Variants in HPS5 observed in about 807,000 individuals in gnomAD.
HPS5 encodes the protein HPS5 biogenesis of lysosomal organelles complex 2 subunit 2, also known as BLOC-2 complex member HPS5.
In HPS5, 83 loss-of-function variants were observed where a neutral mutation model predicts 128.0. The observed-to-expected ratio is 0.65, with a 90% CI of 0.54 to 0.78. The LOEUF (loss-of-function observed/expected upper bound fraction) is 0.78, where lower values mean the gene tolerates loss of function less well. HPS5 is among the 30% of genes least tolerant of loss of function. HPS5 has a pLI of 0.00. For synonymous variants in HPS5, 475 were observed against 470.2 expected, an observed-to-expected ratio of 1.01 and a Z score of -0.13; for missense variants, 1,281 against 1,326.2, an observed-to-expected ratio of 0.97 and a Z score of 0.53.
At chr11:18,315,133 T>C (rs1863465193) in intron 2 of HPS5, among the ~76,000 whole-genome samples, 8 of 152,186 alleles carry the variant, frequency 5.3e-5, no homozygotes, top group Admixed American at 5.2e-4. Flanking sequence ...CTACATGTTA[T>C]TCAAAATGTA....
Position 18,303,681 on chromosome 11 carries a change from C to T in HPS5, c.896+1741G>A, listed in dbSNP as rs1861999870. ...CAGCCTGGGCAACATGGTGAAACCC[C>T]ATCCCTACTAAAATACAAAAAATTA... is the stretch of plus-strand genomic sequence containing the variant. On this transcript the variant is annotated intron_variant, in intron 8 of 22. Transcript: ENST00000349215. Among the ~76,000 whole-genome samples the T allele has an allele frequency of 3.9e-5, 6 of 152,064 alleles. No homozygotes were observed. In the South Asian group the frequency reaches 1.2e-3, roughly 32 times the overall value.
intron 6 of HPS5, among the ~76,000 whole-genome samples, chr11:18,308,730 C>T (rs1208352544): frequency 6.6e-6 from 1 of 151,932 alleles, no homozygotes; most frequent in East Asian, 1.9e-4. Context: ...GTAGGAGGAT[C>T]GCTTGAGCCA....
Position 18,300,922 on chromosome 11 carries a change from AGAG to A in HPS5, c.897-9_897-7del. 1.3e-6 allele frequency: 2 copies of A among 1,534,780 alleles called. No individual in the cohort carries two copies. Among genetic ancestry groups the A allele is most frequent in the East Asian group, 2.2e-5 (1 of 44,474 alleles). On this transcript the variant is annotated splice_polypyrimidine_tract_variant and splice_region_variant and intron_variant, in intron 8 of 22. Coordinates refer to ENST00000349215, the MANE Select transcript of HPS5 (RefSeq NM_181507.2). ...AAGTCAGCACACAATGCTCACTGCAAGAGAAGAAGTGAAGAGAATTCAAGTGTG... is the reference window on the plus strand; with the variant it reads ...AAGTCAGCACACAATGCTCACTGCAAAAGAAGTGAAGAGAATTCAAGTGTG...
chr11:18,283,834 C>T lies in HPS5; in HGVS notation c.3019G>A (p.Val1007Met). The change falls in exon 21 of 23, where the codon GTG (valine) becomes ATG (methionine). Residue 1007 changes from valine (V) to methionine (M), a missense_variant. Transcript: ENST00000349215. ...ATCAGGCTCATATCATTCAGATACACAATATTGGTGAAGGCCTCTCTTCTT... is the reference window on the plus strand; with the variant it reads ...ATCAGGCTCATATCATTCAGATACATAATATTGGTGAAGGCCTCTCTTCTT... ...ERRREAFTNI[V>M]YLNDMSLMEG... 9 of 1,612,886 alleles carry T rather than the reference C, an allele frequency of 5.6e-6. No homozygotes were observed. The highest frequency in any genetic ancestry group is 7.6e-6 in the Non-Finnish European group (9 of 1,179,218).
intron 6 of HPS5, among the ~76,000 whole-genome samples, chr11:18,308,581 G>A (rs1432280938): frequency 6.6e-6 from 1 of 152,178 alleles, no homozygotes; most frequent in Non-Finnish European, 1.5e-5. Flanking sequence ...TTGGGAGGCT[G>A]AGGCAGGAAG....
At chr11:18,309,142 C>T in intron 5 of HPS5, 63 bp from the exon 6 acceptor site, 2 of 1,455,142 alleles carry the variant, frequency 1.4e-6, no homozygotes, top group Non-Finnish European at 1.9e-6. Flanking sequence ...GCAATCTCTT[C>T]CTCTTTACCT....
At position 18,295,081 on chromosome 11, in the gene HPS5, C is replaced by T. The variant is rs781429199; in HGVS notation, c.1723G>A (p.Asp575Asn). 5.0e-6 allele frequency: 8 copies of T among 1,613,942 alleles called. No homozygotes were observed. Among genetic ancestry groups the T allele is most frequent in the East Asian group, 2.2e-5 (1 of 44,894 alleles). ...ACATCCTCTTCACATGATTGCTCATCACCCCTGAGCTCTGGTCTCACTTTC... is the reference window on the plus strand; with the variant it reads ...ACATCCTCTTCACATGATTGCTCATTACCCCTGAGCTCTGGTCTCACTTTC... ...DLKVRPELRG[D>N]EQSCEEDVSS... The change falls in exon 14 of 23, where the codon GAT (aspartate) becomes AAT (asparagine). Residue 575 changes from aspartate to asparagine, a missense_variant. Coordinates refer to ENST00000349215, the MANE Select transcript of HPS5 (RefSeq NM_181507.2).
intron 19 of HPS5, 128 bp downstream of exon 19, chr11:18,286,463 G>A (rs1466579278): frequency 3.4e-6 from 3 of 885,150 alleles, no homozygotes; most frequent in Non-Finnish European, 5.3e-6. Context: ...AATCACCTGA[G>A]CCTAGGAGGT....
rs144814444 is a variant in HPS5 at position 18,290,402 on chromosome 11, C to A, written c.2440+1040G>T. 4.1e-3 allele frequency among the ~76,000 whole-genome samples: 624 copies of A among 152,300 alleles called. 4 individuals carry two copies. Among genetic ancestry groups the A allele is most frequent in the Admixed American group, 6.3e-3 (97 of 15,298 alleles). On this transcript the variant is annotated intron_variant, in intron 16 of 22. Transcript: ENST00000349215. The stretch of plus-strand genomic sequence containing the variant: ...TGCTTATCTATAAAATGGAATAACA[C>A]CATCTACTCCAAACATTATTGTAAG...
chr11:18,286,849 G>T, intron 18 of HPS5, 139 bp from the exon 19 acceptor site: 1 of 1,125,226 alleles, frequency 8.9e-7, no homozygotes. Context: ...GCTACAAAAT[G>T]TCTAGAAATG....
chr11:18,292,118 C>T, intron 15 of HPS5, 99 bp from the exon 16 acceptor site: 2 of 859,722 alleles, frequency 2.3e-6, no homozygotes, highest in Non-Finnish European at 3.8e-6. Context: ...GTAACATACT[C>T]ATCTGGAATA....
Position 18,298,962 on chromosome 11 carries a change from C to T in HPS5, c.994G>A (p.Asp332Asn). Residue 332 changes from aspartate to asparagine, a missense_variant, in exon 10 of 23, where the codon GAT becomes AAT. Coordinates refer to ENST00000349215, the MANE Select transcript of HPS5 (RefSeq NM_181507.2). Reference protein sequence around the residue: ...LLWSEVKDIQDVAVCRNELFC... With the variant: ...LLWSEVKDIQNVAVCRNELFC... ...AATTCATTCCTACAGACAGCCACAT[C>T]CTGAATATCTACGAAAACCACAGGT... 1 of 1,614,114 alleles carries T rather than the reference C, an allele frequency of 6.2e-7. No homozygotes were observed. The highest frequency in any genetic ancestry group is 8.5e-7 in the Non-Finnish European group (1 of 1,179,988).
At position 18,294,766 on chromosome 11, in the gene HPS5, C is replaced by T. The variant is rs4757639; in HGVS notation, c.1784+254G>A. On this transcript the variant is annotated intron_variant, in intron 14 of 22. Transcript: ENST00000349215. Reference sequence around the variant, plus strand: ...TCCAATTTTTGGCTTCCCCGGGCCACATGGGAAGAATTGTCTTGGGCCACA... The same window carrying T: ...TCCAATTTTTGGCTTCCCCGGGCCATATGGGAAGAATTGTCTTGGGCCACA... Among the ~76,000 whole-genome samples, 21,082 of 151,772 alleles carry T rather than the reference C, an allele frequency of 0.14. 1,562 individuals are homozygous for T. The highest frequency in any genetic ancestry group is 0.19 in the African/African-American group (7,855 of 41,340).
In HPS5 at chr11:18,305,455, T is replaced by A; in HGVS notation, c.863A>T (p.Gln288Leu). The change falls in exon 8 of 23, where the codon CAG (glutamine) becomes CTG (leucine). Residue 288 changes from glutamine (Q) to leucine (L), a missense_variant. Gln to Leu is a moderately radical substitution (Grantham distance 113). Transcript: ENST00000349215. The part of the protein sequence containing the change: ...PQYDHTAGSS[Q>L]SLSFPKLLHL... ...TAAGAGTTTGGGGAAAGACAAAGAC[T>A]GGGAGGATCCAGCTGTATGATCATA... is the stretch of plus-strand genomic sequence containing the variant. The A allele has an allele frequency of 6.2e-7, 1 of 1,611,214 alleles. No homozygotes were observed. The highest frequency in any genetic ancestry group is 1.1e-5 in the South Asian group (1 of 90,970).
chr11:18,283,243 C>T (rs1859253175), intron 21 of HPS5, among the ~76,000 whole-genome samples: 1 of 151,710 alleles, frequency 6.6e-6, no homozygotes, highest in Non-Finnish European at 1.5e-5. Context: ...CTCAGGTGAT[C>T]TGCCCACCTC....
chr11:18,303,854 TAAAAA>T (rs558254205), intron 8 of HPS5, among the ~76,000 whole-genome samples: 4 of 127,078 alleles, frequency 3.1e-5, no homozygotes, highest in African/African-American at 1.1e-4. Context: ...ACTCCGTCTC[TAAAAA>T]AAAAAAAAAA....
chr11:18,304,875 T>G (rs1429344560), intron 8 of HPS5, among the ~76,000 whole-genome samples: 2 of 152,236 alleles, frequency 1.3e-5, no homozygotes, highest in South Asian at 4.1e-4. Context: ...TAACAACTTT[T>G]AGGGCAGCAC....
At chr11:18,309,117 T>C (rs1699169027) in intron 5 of HPS5, 38 bp from the exon 6 acceptor site, 1 of 1,590,888 alleles carries the variant, frequency 6.3e-7, no homozygotes, top group South Asian at 1.1e-5. Context: ...GTTTATTTAA[T>C]CATAACATAC....
intron 8 of HPS5, among the ~76,000 whole-genome samples, chr11:18,303,740 G>A (rs1862009110): frequency 6.6e-6 from 1 of 151,980 alleles, no homozygotes; most frequent in African/African-American, 2.4e-5. Context: ...GTGAGTCCCA[G>A]CTACTTGGAA....
Sources: gnomAD v4.1 joint callset for allele counts (sites outside exome capture counted in the v4.1 genomes callset) on GRCh38, gnomAD v4.1.1 for gene constraint, MANE v1.5 for transcripts, NCBI Gene and HGNC (gene_info 2026-07-23, HGNC 2026-07-21) for gene names.